ASNS: variants seen among roughly 807,000 people sequenced by gnomAD.
The protein encoded by ASNS is asparagine synthetase [glutamine-hydrolyzing].
A neutral mutation model predicts 62.6 loss-of-function variants in ASNS; 37 were observed. That is an observed-to-expected ratio of 0.59 (90% CI 0.45 to 0.78). ASNS has a LOEUF of 0.78. Ranked by LOEUF, ASNS falls within the 30% of genes least tolerant of loss-of-function variation. The probability of loss-of-function intolerance (pLI) is 0.00; values close to 1 mark genes in which losing one functional copy is unlikely to be tolerated. For missense variants in ASNS, 520 were observed against 682.4 expected, an observed-to-expected ratio of 0.76 and a Z score of 2.65; for synonymous variants, 207 against 237.9, an observed-to-expected ratio of 0.87 and a Z score of 1.19.
the ASNS span, among the ~76,000 whole-genome samples, chr7:97,927,000 C>T: frequency 1.9e-4 from 29 of 149,672 alleles, no homozygotes; most frequent in Middle Eastern, 6.9e-3. Context: ...CCCGACCTTC[C>T]AGGCTCTAGC....
the ASNS span, among the ~76,000 whole-genome samples, chr7:97,922,138 G>T: frequency 6.6e-6 from 1 of 152,214 alleles, no homozygotes; most frequent in African/African-American, 2.4e-5. Context: ...GCTGAGGCCA[G>T]CAGATTGCTT....
the ASNS span, among the ~76,000 whole-genome samples, chr7:97,918,440 C>T: frequency 8.5e-5 from 13 of 152,306 alleles, no homozygotes; most frequent in Admixed American, 2.6e-4. Flanking sequence ...AAAGACGTAT[C>T]GGTGCAGGGC....
chr7:97,906,005 G>A, the ASNS span, among the ~76,000 whole-genome samples: 1 of 152,110 alleles, frequency 6.6e-6, no homozygotes, highest in Non-Finnish European at 1.5e-5. Flanking sequence ...TCTTAGGTTG[G>A]TGCAAAAGTA....
At chr7:97,904,805 C>T in the ASNS span, among the ~76,000 whole-genome samples, 14 of 152,206 alleles carry the variant, frequency 9.2e-5, no homozygotes, top group Admixed American at 3.9e-4. Flanking sequence ...CCTCCAAAAA[C>T]GACAGCTGGT....
the ASNS span, among the ~76,000 whole-genome samples, chr7:97,918,920 T>C: frequency 2.0e-5 from 3 of 152,060 alleles, no homozygotes; most frequent in Non-Finnish European, 4.4e-5. Flanking sequence ...ATTCTGCACA[T>C]GTATCTCAGA....
chr7:97,858,842 A>C lies in ASNS; in HGVS notation c.775+12T>G, dbSNP rs1195948622. 2 of 1,569,592 alleles carry C rather than the reference A, an allele frequency of 1.3e-6. No individual in the cohort carries two copies. The highest frequency in any genetic ancestry group is 1.7e-6 in the Non-Finnish European group (2 of 1,152,410). ...ACATGAAATATAATTAGGTTTTTTT[A>C]ATTGACTTCACCTGATAAAAGGCAG... On this transcript the variant is annotated intron_variant, in intron 6 of 12. Transcript: ENST00000394308.
chr7:97,859,760 T>C (rs1199188486), intron 4 of ASNS, among the ~76,000 whole-genome samples: 1 of 152,188 alleles, frequency 6.6e-6, no homozygotes, highest in Non-Finnish European at 1.5e-5. Flanking sequence ...AGGGATGAAC[T>C]GGAGTCCTAA....
In ASNS at chr7:97,858,935, T is replaced by C. The variant is rs1791584965; in HGVS notation, c.694A>G (p.Lys232Glu). ...LFPGFEIETVKNNLRILFNNA... is the reference protein window; with the variant it reads ...LFPGFEIETVENNLRILFNNA... ...TTAAAAAGGATCCTGAGGTTGTTCT[T>C]CACAGTTTCTATCTCAAAACCTATA... Residue 232 changes from lysine to glutamate, a missense_variant, in exon 6 of 13, where the codon AAG becomes GAG. By Grantham distance (56) the Lys-to-Glu change is moderately conservative (BLOSUM62 1). Coordinates refer to ENST00000394308, the MANE Select transcript of ASNS (RefSeq NM_001673.5). 1 of 1,613,330 alleles carries C rather than the reference T, an allele frequency of 6.2e-7. No individual in the cohort carries two copies. Among genetic ancestry groups the C allele is most frequent in the Non-Finnish European group, 8.5e-7 (1 of 1,179,858 alleles).
the ASNS span, chr7:97,906,689 C>A: frequency 6.4e-6 from 1 of 156,792 alleles, no homozygotes; most frequent in Non-Finnish European, 1.4e-5. Flanking sequence ...AGAGAAAGAG[C>A]AGAGAGATAG....
the ASNS span, among the ~76,000 whole-genome samples, chr7:97,878,875 C>A: frequency 1.3e-5 from 2 of 152,114 alleles, no homozygotes; most frequent in Admixed American, 6.6e-5. Context: ...GGAGGCATCA[C>A]GCTACCTGAC....
chr7:97,904,309 C>G, the ASNS span, among the ~76,000 whole-genome samples: 1 of 145,498 alleles, frequency 6.9e-6, no homozygotes, highest in East Asian at 1.9e-4. Flanking sequence ...CACACACACA[C>G]ACACACACAG....
chr7:97,898,081 C>T, the ASNS span, among the ~76,000 whole-genome samples: 9 of 152,210 alleles, frequency 5.9e-5, no homozygotes, highest in Admixed American at 5.2e-4. Context: ...GCGCATGCCA[C>T]CAAGCGCGGA....
At chr7:97,889,884 TAAAG>T in the ASNS span, among the ~76,000 whole-genome samples, 1 of 72,876 alleles carries the variant, frequency 1.4e-5, no homozygotes, top group African/African-American at 5.1e-5. Context: ...ATAATGTTAT[TAAAG>T]AAACTCAGGG....
At chr7:97,900,546 T>C in the ASNS span, among the ~76,000 whole-genome samples, 11 of 152,266 alleles carry the variant, frequency 7.2e-5, no homozygotes, top group African/African-American at 2.4e-4. Context: ...CTCCTAGATA[T>C]AGGCCCAACT....
the ASNS span, among the ~76,000 whole-genome samples, chr7:97,895,862 A>G: frequency 1.3e-5 from 2 of 152,168 alleles, no homozygotes; most frequent in African/African-American, 4.8e-5. Context: ...CAAAATCAAC[A>G]TACAAAAATC....
At chr7:97,889,829 A>G in the ASNS span, among the ~76,000 whole-genome samples, 1 of 149,322 alleles carries the variant, frequency 6.7e-6, no homozygotes, top group Non-Finnish European at 1.5e-5. Flanking sequence ...CCAGCAACAG[A>G]TCCAATGAAA....
the ASNS span, among the ~76,000 whole-genome samples, chr7:97,910,183 T>C: frequency 0.84 from 127,529 of 152,000 alleles, 53,782 homozygotes; most frequent in East Asian, 0.91. Context: ...TGGGAGCTTT[T>C]GCAAACCTAG....
the ASNS span, among the ~76,000 whole-genome samples, chr7:97,904,133 A>G: frequency 1.3e-5 from 2 of 152,206 alleles, no homozygotes; most frequent in Admixed American, 1.3e-4. Flanking sequence ...TGGTCTTTAT[A>G]GACATCCCAC....
intron 12 of ASNS, 114 bp downstream of exon 12, chr7:97,852,946 T>A: frequency 1.0e-6 from 1 of 997,812 alleles, no homozygotes; most frequent in Non-Finnish European, 1.4e-6. Context: ...ACTAAATACA[T>A]GTATCATTCA....
Sources: allele counts gnomAD v4.1 joint callset (sites outside exome capture counted in the v4.1 genomes callset), GRCh38; gene constraint gnomAD v4.1.1; transcripts MANE v1.5; gene names NCBI Gene and HGNC (gene_info 2026-07-23, HGNC 2026-07-21).